IGSF21: variants seen among roughly 807,000 people sequenced by gnomAD.
IGSF21 encodes the protein immunoglobin superfamily member 21.
Under a neutral mutation model 46.8 loss-of-function variants are expected in IGSF21, and 28 were observed. The ratio of observed to expected loss-of-function variants is 0.60; its 90% CI spans 0.44 to 0.82. IGSF21 has a LOEUF of 0.82. IGSF21 is among the 40% of genes least tolerant of loss of function. The pLI, the probability that IGSF21 is intolerant of heterozygous loss-of-function variation, is 0.00. For missense variants in IGSF21, 624 were observed against 665.5 expected, an observed-to-expected ratio of 0.94 and a Z score of 0.69; for synonymous variants, 284 against 273.6, an observed-to-expected ratio of 1.04 and a Z score of -0.38.
intron 2 of IGSF21, among the ~76,000 whole-genome samples, chr1:18,232,734 T>G (rs1257272449): frequency 2.0e-5 from 3 of 152,232 alleles, no homozygotes; most frequent in Non-Finnish European, 4.4e-5. Context: ...TCCTGCTGTA[T>G]TCTTGACACC....
chr1:18,201,057 T>C (rs2087068856), intron 1 of IGSF21, among the ~76,000 whole-genome samples: 1 of 151,932 alleles, frequency 6.6e-6, no homozygotes, highest in South Asian at 2.1e-4. Context: ...TAAGTGGAAG[T>C]GAAAATAGGA....
At chr1:18,300,506 C>G (rs566542550) in intron 3 of IGSF21, among the ~76,000 whole-genome samples, 1 of 152,356 alleles carries the variant, frequency 6.6e-6, no homozygotes, top group South Asian at 2.1e-4. Flanking sequence ...ACCTAAGAGT[C>G]CATTCCCTGA....
chr1:18,377,412 A>T lies in IGSF21; in HGVS notation c.1314A>T (p.Arg438Ser), dbSNP rs775276283. ...CAACAGAAAACCCAAATATCCCAAGAGGAACGGAGGACTCTAATGGTAAGT... is the reference window on the plus strand; with the variant it reads ...CAACAGAAAACCCAAATATCCCAAGTGGAACGGAGGACTCTAATGGTAAGT... ...LIVFENPNIP[R>S]GTEDSNGSIG... Residue 438 changes from arginine to serine, a missense_variant, in exon 9 of 10, where the codon AGA (arginine) becomes AGT (serine). Transcript: ENST00000251296. 3 of 1,613,640 alleles carry T rather than the reference A, an allele frequency of 1.9e-6. No homozygotes were observed. In the Admixed American group the frequency reaches 5.0e-5, roughly 27 times the overall value.
chr1:18,377,545 C>T, intron 9 of IGSF21, 114 bp downstream of exon 9: 1 of 859,260 alleles, frequency 1.2e-6, no homozygotes, highest in South Asian at 1.4e-5. Flanking sequence ...CCTGACACCT[C>T]AGGCAGGTCA....
At chr1:18,128,492 G>T (rs1473707216) in intron 1 of IGSF21, among the ~76,000 whole-genome samples, 1 of 152,196 alleles carries the variant, frequency 6.6e-6, no homozygotes, top group Non-Finnish European at 1.5e-5. Context: ...CCCCATTGCT[G>T]GGAATCTGTC....
At chr1:18,243,322 C>T (rs543907348) in intron 2 of IGSF21, among the ~76,000 whole-genome samples, 71 of 152,198 alleles carry the variant, frequency 4.7e-4, no homozygotes, top group Admixed American at 9.2e-4. Context: ...CACCAGTTTC[C>T]GAAGCGAAAA....
At position 18,227,921 on chromosome 1, in the gene IGSF21, C is replaced by T. The variant is rs200494052; in HGVS notation, c.94C>T (p.Pro32Ser). The T allele has an allele frequency of 1.5e-5, 24 of 1,613,864 alleles. No individual in the cohort carries two copies. Among genetic ancestry groups the T allele is most frequent in the Non-Finnish European group, 2.0e-5 (24 of 1,179,872 alleles). Residue 32 changes from proline to serine, a missense_variant, in exon 2 of 10, where the codon CCT becomes TCT. Pro to Ser is a moderately conservative substitution (Grantham distance 74). Coordinates refer to ENST00000251296, the MANE Select transcript of IGSF21 (RefSeq NM_032880.5). ...AGGCTACCTGACAGTCAACATTGAG[C>T]CTCTCCCCCCTGTGGTGGCTGGAGA... ...ARGYLTVNIE[P>S]LPPVVAGDAV...
intron 3 of IGSF21, among the ~76,000 whole-genome samples, chr1:18,305,053 T>C (rs2085405503): frequency 1.3e-5 from 2 of 152,282 alleles, no homozygotes; most frequent in South Asian, 4.2e-4. Context: ...TTAGGTGGAA[T>C]TGAGGATGAT....
intron 1 of IGSF21, among the ~76,000 whole-genome samples, chr1:18,208,963 G>T (rs1476469344): frequency 6.6e-6 from 1 of 152,110 alleles, no homozygotes; most frequent in African/African-American, 2.4e-5. Context: ...TCAAGAAAAA[G>T]CAAAGCTAAT....
At chr1:18,138,197 G>A (rs1340662876) in intron 1 of IGSF21, among the ~76,000 whole-genome samples, 1 of 152,126 alleles carries the variant, frequency 6.6e-6, no homozygotes, top group African/African-American at 2.4e-5. Context: ...CCCCAAGCAT[G>A]GGCTACAGAA....
rs547539276 is a variant in IGSF21, at chr1:18,338,200, T to C, written c.424+3190T>C. ...CACATTCTGGATGATCAATAAATAG[T>C]ATCTCTTAATGACAAATAGTAGTCG... On this transcript the variant is annotated intron_variant, in intron 4 of 9. Transcript: ENST00000251296. 8.1e-4 allele frequency among the ~76,000 whole-genome samples: 124 copies of C among 152,282 alleles called. 1 individual carries two copies. The highest frequency in any genetic ancestry group is 3.0e-3 in the African/African-American group (123 of 41,552).
At chr1:18,271,607 C>T (rs1205189824) in intron 2 of IGSF21, among the ~76,000 whole-genome samples, 1 of 152,220 alleles carries the variant, frequency 6.6e-6, no homozygotes, top group Non-Finnish European at 1.5e-5. Context: ...GCTGTGATTC[C>T]TCTTGCCCTC....
chr1:18,241,023 G>A (rs2084722037), intron 2 of IGSF21, among the ~76,000 whole-genome samples: 1 of 152,206 alleles, frequency 6.6e-6, no homozygotes, highest in African/African-American at 2.4e-5. Flanking sequence ...GTAGGGTTAT[G>A]TGACTGTTCT....
At chr1:18,262,012 A>C (rs1250315321) in intron 2 of IGSF21, among the ~76,000 whole-genome samples, 1 of 152,172 alleles carries the variant, frequency 6.6e-6, no homozygotes, top group Admixed American at 6.5e-5. Flanking sequence ...CAATGTGTGT[A>C]AGAATCACCT....
rs185787198 is a variant in IGSF21 at position 18,190,107 on chromosome 1, C to T, written c.71-37791C>T. On this transcript the variant is annotated intron_variant, in intron 1 of 9. Transcript: ENST00000251296. ...TCTGGGAATTGCCCTTGAAGGTCAC[C>T]GCCAGACCCAAGGTGATGCTCTCCA... 1.8e-3 allele frequency among the ~76,000 whole-genome samples: 279 copies of T among 152,312 alleles called. 2 individuals are homozygous for T. Among genetic ancestry groups the T allele is most frequent in the African/African-American group, 5.5e-3 (228 of 41,568 alleles).
At chr1:18,173,955 C>T (rs1019201730) in intron 1 of IGSF21, among the ~76,000 whole-genome samples, 3 of 152,108 alleles carry the variant, frequency 2.0e-5, no homozygotes, top group East Asian at 1.9e-4. Context: ...AGTTTCACCA[C>T]GTTGGCCAGG....
At chr1:18,235,830 T>C (rs989381499) in intron 2 of IGSF21, among the ~76,000 whole-genome samples, 1 of 152,164 alleles carries the variant, frequency 6.6e-6, no homozygotes, top group Non-Finnish European at 1.5e-5. Flanking sequence ...GGTGAGAAAC[T>C]GGCAGCAGAG....
intron 1 of IGSF21, among the ~76,000 whole-genome samples, chr1:18,121,841 C>T (rs957749879): frequency 6.6e-6 from 1 of 152,238 alleles, no homozygotes; most frequent in African/African-American, 2.4e-5. Flanking sequence ...TTCCTTTACC[C>T]AGCCCCTGTT....
chr1:18,193,191 G>T (rs60102951), intron 1 of IGSF21, among the ~76,000 whole-genome samples: 1,947 of 152,220 alleles, frequency 0.013, 34 homozygotes, highest in African/African-American at 0.043. Context: ...GGGGCCAGGG[G>T]TAGTAGGCAG....
Sources: allele counts gnomAD v4.1 joint callset (sites outside exome capture counted in the v4.1 genomes callset), GRCh38; gene constraint gnomAD v4.1.1; transcripts MANE v1.5; gene names NCBI Gene and HGNC (gene_info 2026-07-23, HGNC 2026-07-21).